Variants in SFI1 observed in about 807,000 individuals in gnomAD.
SFI1 encodes protein SFI1 homolog.
SFI1 carries 195 observed loss-of-function variants against 207.5 expected under a neutral mutation model. The ratio of observed to expected loss-of-function variants is 0.94; its 90% confidence interval spans 0.84 to 1.06. The LOEUF (loss-of-function observed/expected upper bound fraction) is 1.06. SFI1 is among the 50% of genes least tolerant of loss of function. The pLI, the probability that SFI1 is intolerant of heterozygous loss-of-function variation, is 0.00. For missense variants in SFI1, 1,634 were observed against 1,588.0 expected (o/e 1.03, Z -0.49); for synonymous variants, 630 against 598.9 (o/e 1.05, Z -0.76).
At chr22:31,532,018 G>A (rs771320634) in intron 4 of SFI1, among the ~76,000 whole-genome samples, 8 of 151,874 alleles carry the variant, frequency 5.3e-5, no homozygotes, top group Non-Finnish European at 1.2e-4. Flanking sequence ...CCGAGATCGC[G>A]CCATTGCACT....
At chr22:31,523,095 T>A (rs1250352419) in intron 2 of SFI1, among the ~76,000 whole-genome samples, 1 of 152,216 alleles carries the variant, frequency 6.6e-6, no homozygotes, top group Non-Finnish European at 1.5e-5. Context: ...TGTACAAGTT[T>A]TTCTGTGGAC....
chr22:31,540,859 A>G (rs1224846469), intron 4 of SFI1, among the ~76,000 whole-genome samples: 1 of 152,244 alleles, frequency 6.6e-6, no homozygotes, highest in South Asian at 2.1e-4. Context: ...GATTATAGAC[A>G]TGACACTGCA....
At chr22:31,561,838 T>A (rs1485055394) in intron 8 of SFI1, among the ~76,000 whole-genome samples, 1 of 152,196 alleles carries the variant, frequency 6.6e-6, no homozygotes, top group Non-Finnish European at 1.5e-5. Context: ...TTTTTGTCAA[T>A]CATAAATGGC....
intron 2 of SFI1, among the ~76,000 whole-genome samples, chr22:31,522,469 G>A (rs537666298): frequency 6.6e-6 from 1 of 152,176 alleles, no homozygotes; most frequent in African/African-American, 2.4e-5. Flanking sequence ...TGGAAATTCT[G>A]TATTCATTAA....
intron 8 of SFI1, among the ~76,000 whole-genome samples, chr22:31,565,470 G>T (rs1602840850): frequency 6.6e-6 from 1 of 150,566 alleles, no homozygotes; most frequent in Admixed American, 6.7e-5. Context: ...GCCAAAATAA[G>T]AGGATCACTT....
At position 31,617,062 on chromosome 22, in the gene SFI1, A is replaced by G; in HGVS notation, c.3496A>G (p.Thr1166Ala). ...GCAGCAACTACTGCACTACCAGACC[A>G]CCAAGCAGAACCTCTGGTGAGCCCT... ...IQQQLLHYQT[T>A]KQNLWSCRRQ... Residue 1166 changes from threonine (T) to alanine (A), a missense_variant, in exon 31 of 33, where the codon ACC becomes GCC. Thr to Ala is a moderately conservative substitution (Grantham distance 58). Transcript: ENST00000400288. 1 of 1,613,978 alleles carries G rather than the reference A, an allele frequency of 6.2e-7. No homozygotes were observed. The highest frequency in any genetic ancestry group is 8.5e-7 in the Non-Finnish European group (1 of 1,180,004).
chr22:31,507,824 T>C (rs572580171), intron 1 of SFI1, among the ~76,000 whole-genome samples: 1 of 152,202 alleles, frequency 6.6e-6, no homozygotes, highest in Admixed American at 6.6e-5. Context: ...ACTGTAATTT[T>C]AGCACTTTGG....
chr22:31,599,719 TC>T (rs2067799192), intron 15 of SFI1, among the ~76,000 whole-genome samples: 1 of 151,650 alleles, frequency 6.6e-6, no homozygotes, highest in South Asian at 2.1e-4. Context: ...CAAGTGATCC[TC>T]CTGCCATGGC....
chr22:31,560,688 C>A (rs1412814460), intron 7 of SFI1, among the ~76,000 whole-genome samples: 1 of 149,672 alleles, frequency 6.7e-6, no homozygotes, highest in East Asian at 2.0e-4. Flanking sequence ...CAGGCGTGAG[C>A]CACCACGCCT....
intron 24 of SFI1, 94 bp downstream of exon 24, chr22:31,611,934 G>T (rs1167390195): frequency 2.6e-6 from 4 of 1,529,038 alleles, no homozygotes; most frequent in Non-Finnish European, 3.5e-6. Context: ...TACACCTCTA[G>T]TTCAGTATTT....
intron 10 of SFI1, among the ~76,000 whole-genome samples, chr22:31,576,715 C>T (rs2063554452): frequency 6.6e-6 from 1 of 151,618 alleles, no homozygotes; most frequent in Admixed American, 6.6e-5. Flanking sequence ...TCTTGGCTCA[C>T]CACAACCTCT....
intron 10 of SFI1, 63 bp downstream of exon 10, chr22:31,575,455 T>C (rs2063381138): frequency 2.1e-6 from 3 of 1,450,220 alleles, no homozygotes; most frequent in East Asian, 2.5e-5. Context: ...CTCAGCAGCA[T>C]GTGAAACGAA....
rs11089515 is a variant in SFI1 at position 31,535,680 on chromosome 22, G to A, written c.338+4551G>A. On this transcript the variant is annotated intron_variant, in intron 4 of 32. Coordinates refer to ENST00000400288, the MANE Select transcript of SFI1 (RefSeq NM_001007467.3). ...ATTACAGACGTGCACCACCATGCCC[G>A]GCTAATTTTATTGCTTATTTTTATG... is the stretch of plus-strand genomic sequence containing the variant. Among the ~76,000 whole-genome samples, 5 of 151,838 alleles carry A rather than the reference G, an allele frequency of 3.3e-5. No individual in the cohort carries two copies. In the East Asian group the frequency reaches 5.8e-4, roughly 18 times the overall value.
chr22:31,552,165 A>G (rs963525548), intron 6 of SFI1, among the ~76,000 whole-genome samples: 1 of 152,182 alleles, frequency 6.6e-6, no homozygotes, highest in Non-Finnish European at 1.5e-5. Context: ...TTCACTTAGG[A>G]TAATGGCCTC....
At chr22:31,559,922 G>A (rs16989274) in intron 7 of SFI1, 25,943 of 591,518 alleles carry the variant, frequency 0.044, 631 homozygotes, top group African/African-American at 0.054. Context: ...TACCATGGGC[G>A]GGTCCAAGAA....
chr22:31,517,540 G>A (rs1369341807), intron 2 of SFI1, among the ~76,000 whole-genome samples: 2 of 152,134 alleles, frequency 1.3e-5, no homozygotes, highest in African/African-American at 4.8e-5. Flanking sequence ...GGGCCACCAT[G>A]CCTGGCCTAA....
At position 31,575,398 on chromosome 22, in the gene SFI1, C is replaced by A. The variant is rs1423251676; in HGVS notation, c.1084+6C>A. The A allele has an allele frequency of 6.3e-7, 1 of 1,591,928 alleles. No individual in the cohort carries two copies. Among genetic ancestry groups the A allele is most frequent in the Admixed American group, 1.7e-5 (1 of 57,850 alleles). On this transcript the variant is annotated splice_donor_region_variant and intron_variant, in intron 10 of 32. Coordinates refer to ENST00000400288, the MANE Select transcript of SFI1 (RefSeq NM_001007467.3). Reference sequence around the variant, plus strand: ...CTTTACTCACTGGAAACACTGTATCCTTTCAGATACTCAGGCTGTCCATTG... The same window carrying A: ...CTTTACTCACTGGAAACACTGTATCATTTCAGATACTCAGGCTGTCCATTG...
At chr22:31,567,783 A>G (rs980956400) in intron 8 of SFI1, among the ~76,000 whole-genome samples, 1 of 152,210 alleles carries the variant, frequency 6.6e-6, no homozygotes, top group African/African-American at 2.4e-5. Context: ...TAAAAAAACA[A>G]TTGCCAGATT....
intron 14 of SFI1, chr22:31,587,265 A>G (rs1279133038): frequency 6.2e-6 from 2 of 320,134 alleles, no homozygotes; most frequent in Non-Finnish European, 1.4e-5. Flanking sequence ...AGATGCATAC[A>G]GGAGGACTGT....
Sources: gnomAD v4.1 joint callset for allele counts (sites outside exome capture counted in the v4.1 genomes callset) on GRCh38, gnomAD v4.1.1 for gene constraint, MANE v1.5 for transcripts, NCBI Gene and HGNC (gene_info 2026-07-23, HGNC 2026-07-21) for gene names.